The following NXN variants were observed in gnomAD, a reference collection of about 807,000 sequenced individuals.
NXN encodes the protein nucleoredoxin.
Under a neutral mutation model 48.6 loss-of-function variants are expected in NXN, and 16 were observed. The ratio of observed to expected loss-of-function variants is 0.33; its 90% CI spans 0.22 to 0.50. The LOEUF is 0.50. Among genes scored for constraint, NXN ranks in the 20% least tolerant of loss-of-function variants. NXN has a pLI of 0.98. For synonymous variants in NXN, 281 were observed against 269.6 expected, an observed-to-expected ratio of 1.04 and a Z score of -0.41; for missense variants, 492 against 605.5, an observed-to-expected ratio of 0.81 and a Z score of 1.97.
At chr17:811,452 G>T (rs1042421118) in intron 5 of NXN, among the ~76,000 whole-genome samples, 3 of 150,278 alleles carry the variant, frequency 2.0e-5, no homozygotes, top group African/African-American at 7.3e-5. Context: ...CTTAGAAAAA[G>T]AATTTTCAGC....
At chr17:876,854 C>A (rs1407988826) in intron 1 of NXN, among the ~76,000 whole-genome samples, 1 of 152,028 alleles carries the variant, frequency 6.6e-6, no homozygotes, top group East Asian at 1.9e-4. Context: ...CGAGACCAGC[C>A]TGGCCAACAC....
At chr17:922,191 TA>T (rs1404076886) in intron 1 of NXN, among the ~76,000 whole-genome samples, 12 of 152,136 alleles carry the variant, frequency 7.9e-5, no homozygotes, top group Admixed American at 2.0e-4. Flanking sequence ...TCTGTAATCC[TA>T]ACACTTTGGG....
intron 1 of NXN, among the ~76,000 whole-genome samples, chr17:970,116 G>A (rs61267113): frequency 0.038 from 5,796 of 152,206 alleles, 296 homozygotes; most frequent in African/African-American, 0.12. Flanking sequence ...CCGGCAAGCC[G>A]CAGAAAATTT....
chr17:973,583 A>G (rs915998458), intron 1 of NXN, among the ~76,000 whole-genome samples: 4 of 152,180 alleles, frequency 2.6e-5, no homozygotes, highest in African/African-American at 9.7e-5. Flanking sequence ...CTCAGTAAGT[A>G]TCAGTAATAT....
At position 800,590 on chromosome 17, in the gene NXN, G is replaced by A. The variant is rs1216443800; in HGVS notation, c.*359C>T. 3 of 168,050 alleles carry A rather than the reference G, an allele frequency of 1.8e-5. No homozygotes were observed. Among genetic ancestry groups the A allele is most frequent in the Admixed American group, 1.3e-4 (2 of 15,724 alleles). The allele number at this position is 168,050 out of a possible 1,614,324, so 10.4% of individuals were successfully genotyped here. On this transcript the variant is annotated 3_prime_UTR_variant, in exon 8 of 8. Coordinates refer to ENST00000336868, the MANE Select transcript of NXN (RefSeq NM_022463.5). Reference sequence around the variant, plus strand: ...TCCGGGGCCGTGTGTGCCGACGTCAGAGTCAGAGCCCGAGCGGGACCCACC... The same window carrying A: ...TCCGGGGCCGTGTGTGCCGACGTCAAAGTCAGAGCCCGAGCGGGACCCACC...
At chr17:810,791 AAGC>A (rs780167651) in intron 5 of NXN, among the ~76,000 whole-genome samples, 80 of 152,304 alleles carry the variant, frequency 5.3e-4, no homozygotes, top group Admixed American at 1.2e-3. Flanking sequence ...CAGGAGGCTG[AAGC>A]AGGAGAATCG....
At chr17:884,717 T>A (rs1365165574) in intron 1 of NXN, among the ~76,000 whole-genome samples, 1 of 152,116 alleles carries the variant, frequency 6.6e-6, no homozygotes, top group Non-Finnish European at 1.5e-5. Context: ...GAGTCTTGAA[T>A]CCAAACGTTC....
intron 1 of NXN, among the ~76,000 whole-genome samples, chr17:889,436 C>A (rs1258341604): frequency 6.6e-6 from 1 of 152,196 alleles, no homozygotes; most frequent in African/African-American, 2.4e-5. Context: ...GTGGCTCACG[C>A]CTTTCATCCC....
At chr17:808,333 C>T (rs1035961080) in intron 5 of NXN, among the ~76,000 whole-genome samples, 4 of 150,772 alleles carry the variant, frequency 2.7e-5, no homozygotes, top group African/African-American at 9.7e-5. Context: ...GACGCAGTCT[C>T]CCTCTGCTGC....
chr17:946,742 C>T (rs1478247762), intron 1 of NXN, among the ~76,000 whole-genome samples: 1 of 152,230 alleles, frequency 6.6e-6, no homozygotes, highest in Non-Finnish European at 1.5e-5. Flanking sequence ...CTGACGGGCT[C>T]GGCCAGCACA....
intron 1 of NXN, among the ~76,000 whole-genome samples, chr17:946,503 C>A (rs2069045572): frequency 6.6e-6 from 1 of 152,178 alleles, no homozygotes; most frequent in Non-Finnish European, 1.5e-5. Context: ...GTTTTAGAAC[C>A]ATTTTCCTCA....
chr17:918,943 T>TGA (rs1949467481), intron 1 of NXN, among the ~76,000 whole-genome samples: 2 of 151,916 alleles, frequency 1.3e-5, no homozygotes, highest in African/African-American at 4.8e-5. Flanking sequence ...CGTGCGCCTG[T>TGA]AGTCCCAGCT....
At position 958,347 on chromosome 17, in the gene NXN, C is replaced by G. The variant is rs1479639100; in HGVS notation, c.360+20972G>C. 6.6e-6 allele frequency among the ~76,000 whole-genome samples: 1 copy of G among 152,114 alleles called. No individual in the cohort carries two copies. Among genetic ancestry groups the G allele is most frequent in the Non-Finnish European group, 1.5e-5 (1 of 68,028 alleles). On this transcript the variant is annotated intron_variant, in intron 1 of 7. Coordinates refer to ENST00000336868, the MANE Select transcript of NXN (RefSeq NM_022463.5). The surrounding 1 kb of genome is among the most constrained non-coding windows in gnomAD (Gnocchi z 6.9). ...GGGCTAACCCTACGCTAAAGCAAAGCCTTCAAAAACTGGAAGCAGCAGGGC... is the reference window on the plus strand; with the variant it reads ...GGGCTAACCCTACGCTAAAGCAAAGGCTTCAAAAACTGGAAGCAGCAGGGC...
In NXN at chr17:920,270, C is replaced by T. The variant is rs777699044; in HGVS notation, c.360+59049G>A. On this transcript the variant is annotated intron_variant, in intron 1 of 7. Coordinates refer to ENST00000336868, the MANE Select transcript of NXN (RefSeq NM_022463.5). The surrounding 1 kb of genome is among the most constrained non-coding windows in gnomAD (Gnocchi z 4.6). ...GTCATCTCCCCCCGCCCCTGGCTCC[C>T]GCTTTGACCTGGAGGAATCTGGCAA... 1.3e-5 allele frequency among the ~76,000 whole-genome samples: 2 copies of T among 152,122 alleles called. No homozygotes were observed. Among genetic ancestry groups the T allele is most frequent in the South Asian group, 2.1e-4 (1 of 4,830 alleles).
intron 1 of NXN, among the ~76,000 whole-genome samples, chr17:953,915 G>A (rs2069139296): frequency 6.6e-6 from 1 of 152,212 alleles, no homozygotes; most frequent in Non-Finnish European, 1.5e-5. Flanking sequence ...CAGCCTGCGT[G>A]ACGGGTGCGG....
At chr17:960,936 C>T (rs943609409) in intron 1 of NXN, among the ~76,000 whole-genome samples, 2 of 152,014 alleles carry the variant, frequency 1.3e-5, no homozygotes, top group African/African-American at 4.8e-5. Flanking sequence ...AGGCACCCGC[C>T]ACCACGCCCG....
At chr17:964,862 T>C (rs1329250390) in intron 1 of NXN, among the ~76,000 whole-genome samples, 1 of 152,236 alleles carries the variant, frequency 6.6e-6, no homozygotes, top group Non-Finnish European at 1.5e-5. Flanking sequence ...TGAAACAAAA[T>C]GCCACACTTA....
intron 1 of NXN, among the ~76,000 whole-genome samples, chr17:964,986 G>T (rs1309912143): frequency 6.6e-6 from 1 of 152,210 alleles, no homozygotes; most frequent in African/African-American, 2.4e-5. Context: ...GGGGTGTTGG[G>T]TAGAGGGCAG....
chr17:925,538 G>A (rs576728037), intron 1 of NXN, among the ~76,000 whole-genome samples: 1 of 152,272 alleles, frequency 6.6e-6, no homozygotes, highest in African/African-American at 2.4e-5. Flanking sequence ...ACAGGCGCCC[G>A]CCACCATGTC....
Sources: gnomAD v4.1 joint callset for allele counts (sites outside exome capture counted in the v4.1 genomes callset) on GRCh38, gnomAD v4.1.1 for gene constraint, Gnocchi (gnomAD v3.1) non-coding constraint, MANE v1.5 for transcripts, NCBI Gene and HGNC (gene_info 2026-07-23, HGNC 2026-07-21) for gene names.